Variants in HEATR5A observed in about 807,000 individuals in gnomAD.
The protein encoded by HEATR5A is HEAT repeat containing 5A.
HEATR5A carries 178 observed loss-of-function variants against 218.8 expected under a neutral mutation model. The ratio of observed to expected loss-of-function variants is 0.81; its 90% CI spans 0.72 to 0.92. The LOEUF (loss-of-function observed/expected upper bound fraction) is 0.92, where lower values mean the gene tolerates loss of function less well. Ranked by LOEUF, HEATR5A falls within the 40% of genes least tolerant of loss-of-function variation. The probability of loss-of-function intolerance (pLI) is 0.00; values close to 1 mark genes in which losing one functional copy is unlikely to be tolerated. For synonymous variants in HEATR5A, 864 were observed against 871.6 expected (o/e 0.99, Z 0.15); for missense variants, 2,420 against 2,418.9 (o/e 1.00, Z -0.01).
At position 31,309,100 on chromosome 14, in the gene HEATR5A, T is replaced by A; in HGVS notation, c.4524A>T (p.Thr1508=). The stretch of plus-strand genomic sequence containing the variant: ...AACCCGTGCTTGTAAGCCACAATGC[T>A]GTAGCATGGAGGATAAGTGCCCAGG... ...YNSWALILHA[T]ALWLTSTGFV... Residue 1508 remains threonine (T), a synonymous_variant, in exon 29 of 36, where the codon ACA becomes ACT. Coordinates refer to ENST00000543095, the MANE Select transcript of HEATR5A (RefSeq NM_015473.4). 1 of 1,614,024 alleles carries A rather than the reference T, an allele frequency of 6.2e-7. No homozygotes were observed. Among genetic ancestry groups the A allele is most frequent in the Non-Finnish European group, 8.5e-7 (1 of 1,179,890 alleles).
At chr14:31,321,361 G>C (rs1900101385) in intron 25 of HEATR5A, 138 bp downstream of exon 25, 1 of 563,390 alleles carries the variant, frequency 1.8e-6, no homozygotes, top group Non-Finnish European at 3.1e-6. Context: ...GCCCGGTCTT[G>C]AACTCCTGGG....
In HEATR5A at chr14:31,313,004, A is replaced by G; in HGVS notation, c.4405T>C (p.Leu1469=). 1 of 1,613,986 alleles carries G rather than the reference A, an allele frequency of 6.2e-7. No individual in the cohort carries two copies. Among genetic ancestry groups the G allele is most frequent in the Non-Finnish European group, 8.5e-7 (1 of 1,179,864 alleles). ...AALQDFALLT[L]PSEFASQLPA... ...AGTTGGGAGGCAAATTCTGAAGGCAAAGTTAAAAGAGCAAAATCCTGAAGT... is the reference window on the plus strand; with the variant it reads ...AGTTGGGAGGCAAATTCTGAAGGCAGAGTTAAAAGAGCAAAATCCTGAAGT... Residue 1469 remains leucine, a synonymous_variant, in exon 28 of 36, where the codon TTG becomes CTG. Coordinates refer to ENST00000543095, the MANE Select transcript of HEATR5A (RefSeq NM_015473.4).
chr14:31,313,243 C>T, intron 27 of HEATR5A, 53 bp from the exon 28 acceptor site: 1 of 1,397,582 alleles, frequency 7.2e-7, no homozygotes, highest in Non-Finnish European at 1.0e-6. Context: ...TGAAAAGGTG[C>T]TATAAAATTT....
At chr14:31,295,766 GAA>G in intron 34 of HEATR5A, 141 bp downstream of exon 34, 1 of 641,416 alleles carries the variant, frequency 1.6e-6, no homozygotes, top group Non-Finnish European at 2.6e-6. Context: ...TGTCACTCCT[GAA>G]ATAGAAATTA....
chr14:31,315,547 T>A (rs1899886743), intron 27 of HEATR5A, among the ~76,000 whole-genome samples: 1 of 152,234 alleles, frequency 6.6e-6, no homozygotes, highest in African/African-American at 2.4e-5. Flanking sequence ...CTCTGGCTCA[T>A]AAGTAGCACT....
chr14:31,374,151 T>A (rs367897347), intron 12 of HEATR5A, among the ~76,000 whole-genome samples: 2 of 151,614 alleles, frequency 1.3e-5, no homozygotes, highest in African/African-American at 4.8e-5. Context: ...ACAAAAAATT[T>A]AAAAATTAGC....
chr14:31,325,450 T>C (rs1365490581), intron 23 of HEATR5A, among the ~76,000 whole-genome samples: 1 of 152,036 alleles, frequency 6.6e-6, no homozygotes, highest in Non-Finnish European at 1.5e-5. Context: ...AGTAATTTCA[T>C]ACGGTGCGAG....
intron 6 of HEATR5A, among the ~76,000 whole-genome samples, chr14:31,392,819 T>C (rs1398543339): frequency 6.6e-6 from 1 of 152,182 alleles, no homozygotes; most frequent in Non-Finnish European, 1.5e-5. Context: ...CATAAAGTCA[T>C]CCTGGACTTC....
chr14:31,418,970 A>C (rs2031549433), intron 1 of HEATR5A, among the ~76,000 whole-genome samples: 1 of 152,190 alleles, frequency 6.6e-6, no homozygotes, highest in South Asian at 2.1e-4. Context: ...CATTAGTTTA[A>C]TGTAGTTAAT....
At chr14:31,370,274 C>T (rs1281998377) in intron 13 of HEATR5A, among the ~76,000 whole-genome samples, 4 of 149,376 alleles carry the variant, frequency 2.7e-5, no homozygotes, top group Non-Finnish European at 5.9e-5. Flanking sequence ...AAAAAGACAA[C>T]CTAAAAGAAA....
rs2030341017 is a variant in HEATR5A at position 31,388,953 on chromosome 14, T to C, written c.825A>G (p.Leu275=). 1 of 1,613,768 alleles carries C rather than the reference T, an allele frequency of 6.2e-7. No homozygotes were observed. Among genetic ancestry groups the C allele is most frequent in the African/African-American group, 1.3e-5 (1 of 75,052 alleles). ...RRVSLEEVLE[L]LGTGFLRGSS... is the part of the protein sequence containing the mutation. ...TCCCACGTAGAAACCCTGTTCCTAG[T>C]AATTCCAGAACTTCCTCCAAAGATA... Residue 275 remains leucine (L), a synonymous_variant, in exon 7 of 36, where the codon TTA becomes TTG. Transcript: ENST00000543095.
chr14:31,333,021 T>C (rs1196433245), intron 22 of HEATR5A, among the ~76,000 whole-genome samples: 3 of 151,530 alleles, frequency 2.0e-5, no homozygotes, highest in Non-Finnish European at 2.9e-5. Context: ...AGCCACAACA[T>C]TGAGCCTGAT....
chr14:31,379,020 C>T (rs1187552741), intron 11 of HEATR5A, among the ~76,000 whole-genome samples: 6 of 151,310 alleles, frequency 4.0e-5, no homozygotes, highest in African/African-American at 1.5e-4. Context: ...CAGCTCACTG[C>T]AACCTCTGCC....
At chr14:31,343,340 A>G (rs1319250221) in intron 21 of HEATR5A, among the ~76,000 whole-genome samples, 2 of 152,156 alleles carry the variant, frequency 1.3e-5, no homozygotes, top group Non-Finnish European at 2.9e-5. Flanking sequence ...AAGTGCTGGG[A>G]TTACAGGCAT....
chr14:31,300,030 C>T (rs1160452265), intron 33 of HEATR5A, among the ~76,000 whole-genome samples: 3 of 152,048 alleles, frequency 2.0e-5, no homozygotes, highest in Non-Finnish European at 4.4e-5. Flanking sequence ...AGCGAGACTC[C>T]AACTCAACAA....
intron 14 of HEATR5A, among the ~76,000 whole-genome samples, chr14:31,362,191 A>G (rs1443075364): frequency 3.9e-5 from 6 of 152,036 alleles, no homozygotes; most frequent in Non-Finnish European, 1.5e-5. Context: ...CTGGTCTCGA[A>G]TTCCTGACCT....
At chr14:31,325,159 T>C (rs1041920563) in intron 23 of HEATR5A, among the ~76,000 whole-genome samples, 1 of 152,216 alleles carries the variant, frequency 6.6e-6, no homozygotes, top group Non-Finnish European at 1.5e-5. Context: ...TGTCTATGCA[T>C]AGAATGGGTT....
At position 31,400,358 on chromosome 14, in the gene HEATR5A, T is replaced by G. The variant is rs1370700857; in HGVS notation, c.281A>C (p.Lys94Thr). 3.3e-6 allele frequency: 5 copies of G among 1,535,806 alleles called. No individual in the cohort carries two copies. Among genetic ancestry groups the G allele is most frequent in the South Asian group, 2.4e-5 (2 of 84,056 alleles). ...TTTGCTACGAATAAGATCATTACAT[T>G]TATCGATTGCTTCATGAACGGAGAA... ...DTFSVHEAID[K>T]CNDLIRSKDD... Residue 94 changes from lysine (K) to threonine (T), a missense_variant, in exon 3 of 36, where the codon AAA becomes ACA. By Grantham distance (78) the Lys-to-Thr change is moderately conservative (BLOSUM62 -1). Transcript: ENST00000543095.
At chr14:31,320,161 C>G (rs770494190) in intron 25 of HEATR5A, 2 of 506,470 alleles carry the variant, frequency 3.9e-6, no homozygotes, top group African/African-American at 3.9e-5. Context: ...CTTAGCACAC[C>G]CCAGCACCAG....
Sources: gnomAD v4.1 joint callset for allele counts (sites outside exome capture counted in the v4.1 genomes callset) on GRCh38, gnomAD v4.1.1 for gene constraint, MANE v1.5 for transcripts, NCBI Gene and HGNC (gene_info 2026-07-23, HGNC 2026-07-21) for gene names.